Variants in CNTNAP2 observed in about 807,000 individuals in gnomAD.
CNTNAP2 encodes contactin associated protein 2, also known as contactin-associated protein-like 2.
Under a neutral mutation model 155.2 loss-of-function variants are expected in CNTNAP2, and 98 were observed. The ratio of observed to expected loss-of-function variants is 0.63; its 90% CI spans 0.54 to 0.75. The LOEUF is 0.75. CNTNAP2 is among the 30% of genes least tolerant of loss of function. CNTNAP2 has a pLI of 0.00. For missense variants in CNTNAP2, 1,727 were observed against 1,688.1 expected (o/e 1.02, Z -0.40); for synonymous variants, 651 against 631.2 (o/e 1.03, Z -0.47).
intron 1 of CNTNAP2, among the ~76,000 whole-genome samples, chr7:146,338,198 A>G (rs1210887379): frequency 6.6e-6 from 1 of 152,134 alleles, no homozygotes; most frequent in African/African-American, 2.4e-5. Flanking sequence ...GTACACACAT[A>G]TATTTCTATA....
chr7:148,080,407 C>T (rs992365479), intron 15 of CNTNAP2, among the ~76,000 whole-genome samples: 6 of 151,836 alleles, frequency 4.0e-5, no homozygotes, highest in Admixed American at 6.6e-5. Flanking sequence ...AGATCGAGAC[C>T]GTCCTGGCTA....
In CNTNAP2 at chr7:146,342,643, T is replaced by A. The variant is rs142744223; in HGVS notation, c.97+225670T>A. On this transcript the variant is annotated intron_variant, in intron 1 of 23. Transcript: ENST00000361727. Reference sequence around the variant, plus strand: ...TTAATTGAATAGATGTTTTCCTTCTTGTTACACAGAATAAGGTGTATCTAT... The same window carrying A: ...TTAATTGAATAGATGTTTTCCTTCTAGTTACACAGAATAAGGTGTATCTAT... Among the ~76,000 whole-genome samples the A allele has an allele frequency of 3.1e-3, 465 of 152,292 alleles. 3 individuals are homozygous for A. Among genetic ancestry groups the A allele is most frequent in the Middle Eastern group, 0.014 (4 of 294 alleles).
intron 15 of CNTNAP2, among the ~76,000 whole-genome samples, chr7:148,036,723 T>A (rs1232688324): frequency 6.6e-6 from 1 of 152,118 alleles, no homozygotes; most frequent in African/African-American, 2.4e-5. Context: ...CCCATAATCA[T>A]ATAATATATT....
intron 2 of CNTNAP2, among the ~76,000 whole-genome samples, chr7:146,801,312 C>A (rs1237317374): frequency 1.3e-5 from 2 of 152,196 alleles, no homozygotes; most frequent in Non-Finnish European, 2.9e-5. Context: ...ATCCAAACAT[C>A]TCTCACTAGA....
chr7:147,895,731 G>T lies in CNTNAP2; in HGVS notation c.2099-7834G>T, dbSNP rs890792070. ...TAACAGGTAAATAATGATTTGTAAA[G>T]CTAAAAGTAGCATTTCATTAGCATA... On this transcript the variant is annotated intron_variant, in intron 13 of 23. Transcript: ENST00000361727. 2.0e-5 allele frequency among the ~76,000 whole-genome samples: 3 copies of T among 152,142 alleles called. 1 individual carries two copies. The highest frequency in any genetic ancestry group is 1.3e-4 in the Admixed American group (2 of 15,276).
chr7:146,178,431 G>T (rs1184107509), intron 1 of CNTNAP2, among the ~76,000 whole-genome samples: 1 of 152,000 alleles, frequency 6.6e-6, no homozygotes, highest in Non-Finnish European at 1.5e-5. Flanking sequence ...CAGATTTATC[G>T]AACATGCTAC....
chr7:147,800,660 C>T (rs1273696103), intron 13 of CNTNAP2, among the ~76,000 whole-genome samples: 1 of 152,126 alleles, frequency 6.6e-6, no homozygotes, highest in Admixed American at 6.5e-5. Context: ...AGACTGAAAT[C>T]ATTGTGGGCT....
chr7:148,290,803 T>A (rs1180090099), intron 21 of CNTNAP2, among the ~76,000 whole-genome samples: 1 of 152,228 alleles, frequency 6.6e-6, no homozygotes, highest in Non-Finnish European at 1.5e-5. Context: ...CTATTCTGGC[T>A]CTAAACACAG....
chr7:146,137,404 C>A (rs1174455785), intron 1 of CNTNAP2, among the ~76,000 whole-genome samples: 1 of 152,052 alleles, frequency 6.6e-6, no homozygotes, highest in Non-Finnish European at 1.5e-5. Flanking sequence ...TTTCATCTGT[C>A]CTTAAAAGCA....
chr7:146,553,750 T>C (rs1460334004), intron 1 of CNTNAP2, among the ~76,000 whole-genome samples: 1 of 152,162 alleles, frequency 6.6e-6, no homozygotes, highest in Admixed American at 6.5e-5. Context: ...CAATGGAACA[T>C]TCTAAAAATG....
Position 148,413,406 on chromosome 7 carries a change from A to AAAT in CNTNAP2, c.3797-2011_3797-2010insAAT, listed in dbSNP as rs1211005269. ...AAACTCCGTCTCAAAAAAAAAATAT[A>AAAT]TATATATATATATATATATATATAT... On this transcript the variant is annotated intron_variant, in intron 23 of 23. Transcript: ENST00000361727. 6.7e-4 allele frequency among the ~76,000 whole-genome samples: 16 copies of AAAT among 23,840 alleles called. 4 individuals are homozygous for AAAT. The highest frequency in any genetic ancestry group is 2.8e-3 in the African/African-American group (16 of 5,772). The allele number at this position is 23,840 out of a possible 152,430, so 15.6% of individuals were successfully genotyped here. A position where few individuals can be genotyped will look rare whatever the true frequency, so the allele number is the denominator to read the frequency against.
intron 6 of CNTNAP2, among the ~76,000 whole-genome samples, chr7:147,123,552 A>C (rs993243395): frequency 6.6e-6 from 1 of 152,254 alleles, no homozygotes; most frequent in African/African-American, 2.4e-5. Context: ...AGACAGAAAC[A>C]GTAGGAAGAA....
At chr7:146,420,884 T>C (rs1563077208) in intron 1 of CNTNAP2, among the ~76,000 whole-genome samples, 2 of 152,124 alleles carry the variant, frequency 1.3e-5, no homozygotes, top group African/African-American at 2.4e-5. Context: ...TGGGGATTAA[T>C]GAATGAAGAA....
intron 2 of CNTNAP2, among the ~76,000 whole-genome samples, chr7:146,792,609 C>T (rs981176796): frequency 1.3e-5 from 2 of 152,110 alleles, no homozygotes; most frequent in African/African-American, 4.8e-5. Context: ...TTGAGCTAAG[C>T]ACATACCACC....
At chr7:148,364,343 A>AT (rs1798689058) in intron 21 of CNTNAP2, among the ~76,000 whole-genome samples, 1 of 151,954 alleles carries the variant, frequency 6.6e-6, no homozygotes, top group South Asian at 2.1e-4. Flanking sequence ...TCGGGACTCT[A>AT]TATCTAGCTC....
At chr7:146,724,524 G>A (rs1801395019) in intron 1 of CNTNAP2, among the ~76,000 whole-genome samples, 1 of 147,872 alleles carries the variant, frequency 6.8e-6, no homozygotes, top group East Asian at 2.0e-4. Flanking sequence ...AGTGCCTGAT[G>A]AGCCTCTGAC....
At chr7:146,970,649 G>A (rs1477706410) in intron 3 of CNTNAP2, among the ~76,000 whole-genome samples, 1 of 152,122 alleles carries the variant, frequency 6.6e-6, no homozygotes, top group Non-Finnish European at 1.5e-5. Context: ...GGAAGTCAGT[G>A]TGGCGATTCC....
intron 3 of CNTNAP2, among the ~76,000 whole-genome samples, chr7:146,971,032 A>G (rs1797783410): frequency 6.6e-6 from 1 of 152,134 alleles, no homozygotes; most frequent in Admixed American, 6.5e-5. Flanking sequence ...GGACACAGGA[A>G]GGGGAACATC....
chr7:146,515,841 A>G (rs700290), intron 1 of CNTNAP2, among the ~76,000 whole-genome samples: 35,291 of 151,956 alleles, frequency 0.23, 4,382 homozygotes, highest in East Asian at 0.43. Flanking sequence ...CAAGAAATCC[A>G]GAGTGAAATC....
Sources: allele counts gnomAD v4.1 joint callset (sites outside exome capture counted in the v4.1 genomes callset), GRCh38; gene constraint gnomAD v4.1.1; transcripts MANE v1.5; gene names NCBI Gene and HGNC (gene_info 2026-07-23, HGNC 2026-07-21).